Variants in CEP295 observed in about 807,000 individuals in gnomAD.
CEP295 encodes centrosomal protein of 295 kDa.
CEP295 carries 190 observed loss-of-function variants against 291.6 expected under a neutral mutation model. The ratio of observed to expected loss-of-function variants is 0.65; its 90% CI spans 0.58 to 0.73. CEP295 has a LOEUF of 0.73. CEP295 is among the 30% of genes least tolerant of loss of function. The pLI, the probability that CEP295 is intolerant of heterozygous loss-of-function variation, is 0.00. For synonymous variants in CEP295, 993 were observed against 1,038.8 expected, an observed-to-expected ratio of 0.96 and a Z score of 0.85; for missense variants, 2,863 against 2,949.4, an observed-to-expected ratio of 0.97 and a Z score of 0.68.
chr11:93,697,353 T>A lies in CEP295; in HGVS notation c.2441T>A (p.Met814Lys). The stretch of plus-strand genomic sequence containing the variant: ...AAAATTCAAGAACCCTTTTCAGCCA[T>A]GAGCAAAAGTACAGTTTCCACAAGC... ...SGKIQEPFSAMSKSTVSTSHS... is the reference protein window; with the variant it reads ...SGKIQEPFSAKSKSTVSTSHS... Residue 814 changes from methionine (M) to lysine (K), a missense_variant, in exon 15 of 30, where the codon ATG (methionine) becomes AAG (lysine). Coordinates refer to ENST00000325212, the MANE Select transcript of CEP295 (RefSeq NM_033395.2). 1 of 1,551,880 alleles carries A rather than the reference T, an allele frequency of 6.4e-7. No homozygotes were observed. The highest frequency in any genetic ancestry group is 8.7e-7 in the Non-Finnish European group (1 of 1,147,038).
intron 17 of CEP295, among the ~76,000 whole-genome samples, chr11:93,706,427 A>G (rs2135186245): frequency 6.6e-6 from 1 of 152,204 alleles, no homozygotes; most frequent in South Asian, 2.1e-4. Flanking sequence ...CTATACCACA[A>G]ATTAGTTGTG....
chr11:93,685,988 C>A (rs1194005967), intron 9 of CEP295, among the ~76,000 whole-genome samples: 1 of 150,506 alleles, frequency 6.6e-6, no homozygotes, highest in Non-Finnish European at 1.5e-5. Flanking sequence ...GGATTACAGG[C>A]ATGAGCCACC....
Position 93,699,589 on chromosome 11 carries a change from C to T in CEP295, c.4677C>T (p.Asp1559=). The change falls in exon 15 of 30, where the codon GAC becomes GAT. Residue 1559 remains aspartate (D), a synonymous_variant. Transcript: ENST00000325212. ...TTGTATCCCAGGTGCCTGTTGCTGACTCTGAAAGAACCCAGAAGTCTTTCC... is the reference window on the plus strand; with the variant it reads ...TTGTATCCCAGGTGCCTGTTGCTGATTCTGAAAGAACCCAGAAGTCTTTCC... The part of the protein sequence containing the change: ...SSFVSQVPVA[D]SERTQKSFPT... 6.4e-7 allele frequency: 1 copy of T among 1,551,914 alleles called. No homozygotes were observed. Among genetic ancestry groups the T allele is most frequent in the Non-Finnish European group, 8.7e-7 (1 of 1,147,090 alleles).
chr11:93,669,625 A>G lies in CEP295; in HGVS notation c.435-52A>G, dbSNP rs370850874. 2.3e-5 allele frequency: 27 copies of G among 1,169,670 alleles called. No homozygotes were observed. In the South Asian group the frequency reaches 3.4e-4, roughly 15 times the overall value. 72.5% of individuals were successfully genotyped at this position (1,169,670 alleles called of 1,614,324 possible). The stretch of plus-strand genomic sequence containing the variant: ...ACTTACATATTTTTAACCCTGTTGT[A>G]CTATAATATTATCACTGAGAGATTA... On this transcript the variant is annotated intron_variant, in intron 4 of 29. Coordinates refer to ENST00000325212, the MANE Select transcript of CEP295 (RefSeq NM_033395.2).
At chr11:93,705,935 G>C (rs1952484499) in intron 17 of CEP295, among the ~76,000 whole-genome samples, 1 of 152,162 alleles carries the variant, frequency 6.6e-6, no homozygotes, top group African/African-American at 2.4e-5. Context: ...CCTGGCTGTT[G>C]ATATTATTGA....
Position 93,698,118 on chromosome 11 carries a change from A to G in CEP295, c.3206A>G (p.Asp1069Gly), listed in dbSNP as rs759200565. The change falls in exon 15 of 30, where the codon GAT becomes GGT. Residue 1069 changes from aspartate (D) to glycine (G), a missense_variant. Physicochemically the swap from Asp to Gly is moderately conservative, Grantham distance 94. Transcript: ENST00000325212. ...LLQEQLTKQR[D>G]TLQARHEAQV... ...CAAGAACAGTTGACTAAACAGAGGG[A>G]TACTCTTCAGGCTAGGCATGAAGCT... 6.4e-7 allele frequency: 1 copy of G among 1,552,216 alleles called. No homozygotes were observed.
At chr11:93,708,908 AGCACCTTTTCATTT>A (rs1302257641) in intron 18 of CEP295, among the ~76,000 whole-genome samples, 1 of 152,108 alleles carries the variant, frequency 6.6e-6, no homozygotes, top group Non-Finnish European at 1.5e-5. Flanking sequence ...GTGTTGATTG[AGCACCTTTTCATTT>A]GCCTGTTTGC....
intron 18 of CEP295, 86 bp from the exon 19 acceptor site, chr11:93,721,226 A>G: frequency 1.4e-6 from 1 of 731,322 alleles, no homozygotes; most frequent in Non-Finnish European, 2.4e-6. Context: ...AAAGCAGGGA[A>G]TGGTGTCCTG....
chr11:93,724,216 T>TC (rs1565219567), intron 21 of CEP295, 38 bp from the exon 22 acceptor site: 2 of 1,515,564 alleles, frequency 1.3e-6, no homozygotes, highest in African/African-American at 2.8e-5. Context: ...ATGATTTTTT[T>TC]CCCTCAAAAA....
chr11:93,668,743 A>G, intron 3 of CEP295, 65 bp from the exon 4 acceptor site: 2 of 1,147,282 alleles, frequency 1.7e-6, no homozygotes, highest in Non-Finnish European at 2.5e-6. Context: ...CACTTCTGAT[A>G]TCATATGAGA....
In CEP295 at chr11:93,699,307, A is replaced by C. The variant is rs1251404516; in HGVS notation, c.4395A>C (p.Ala1465=). ...TTGCACTTGAAGAACACTTGCATGC[A>C]CAGACAGATTTCCTTCCTTCTATTG... ...NLIALEEHLH[A]QTDFLPSIEK... is the part of the protein sequence containing the mutation. The change falls in exon 15 of 30, where the codon GCA becomes GCC. Residue 1465 remains alanine (A), a synonymous_variant. Coordinates refer to ENST00000325212, the MANE Select transcript of CEP295 (RefSeq NM_033395.2). The C allele has an allele frequency of 6.4e-7, 1 of 1,551,932 alleles. No individual in the cohort carries two copies. The highest frequency in any genetic ancestry group is 8.7e-7 in the Non-Finnish European group (1 of 1,147,026).
intron 18 of CEP295, among the ~76,000 whole-genome samples, chr11:93,720,261 T>C (rs955533222): frequency 6.6e-6 from 1 of 151,570 alleles, no homozygotes; most frequent in African/African-American, 2.4e-5. Flanking sequence ...TCACCTGAGG[T>C]CACGAGTTCG....
rs1249599825 is a variant in CEP295 at position 93,697,181 on chromosome 11, G to T, written c.2269G>T (p.Ala757Ser). ...DARKISETFG[A>S]TTFQSLESQQ... Reference sequence around the variant, plus strand: ...TAGAAAAATATCTGAAACATTTGGGGCAACAACTTTTCAAAGTTTAGAATC... The same window carrying T: ...TAGAAAAATATCTGAAACATTTGGGTCAACAACTTTTCAAAGTTTAGAATC... The change falls in exon 15 of 30, where the codon GCA becomes TCA. Residue 757 changes from alanine (A) to serine (S), a missense_variant. By Grantham distance (99) the Ala-to-Ser change is moderately conservative (BLOSUM62 1). Coordinates refer to ENST00000325212, the MANE Select transcript of CEP295 (RefSeq NM_033395.2). The T allele has an allele frequency of 3.2e-6, 5 of 1,551,700 alleles. No homozygotes were observed. Among genetic ancestry groups the T allele is most frequent in the East Asian group, 4.9e-5 (2 of 40,930 alleles).
intron 6 of CEP295, 114 bp from the exon 7 acceptor site, chr11:93,679,298 C>A: frequency 2.3e-6 from 2 of 857,910 alleles, no homozygotes; most frequent in Non-Finnish European, 1.8e-6. Context: ...TAAAATATAA[C>A]TCTTCTTATA....
intron 7 of CEP295, 102 bp from the exon 8 acceptor site, chr11:93,683,457 G>A: frequency 1.3e-6 from 1 of 776,526 alleles, no homozygotes; most frequent in South Asian, 2.2e-5. Flanking sequence ...GGAGAGGAGA[G>A]AAGCTTAGAC....
intron 5 of CEP295, among the ~76,000 whole-genome samples, chr11:93,673,089 A>G (rs1337359959): frequency 6.6e-6 from 1 of 152,212 alleles, no homozygotes; most frequent in Non-Finnish European, 1.5e-5. Flanking sequence ...AGAGTGAAGC[A>G]TTCTAATGTG....
In CEP295 at chr11:93,723,162, T is replaced by C. The variant is rs1299119327; in HGVS notation, c.6069T>C (p.Ser2023=). The C allele has an allele frequency of 1.3e-6, 2 of 1,552,122 alleles. No individual in the cohort carries two copies. Among genetic ancestry groups the C allele is most frequent in the Non-Finnish European group, 1.7e-6 (2 of 1,147,074 alleles). ...AAGATATTTATCAGCGGCAGAACTC[T>C]TCAGACGTTCATAAATCTCTGTTGC... ...STQDIYQRQN[S]SDVHKSLLPA... is the part of the protein sequence containing the mutation. The change falls in exon 21 of 30, where the codon TCT becomes TCC. Residue 2023 remains serine (S), a synonymous_variant. Transcript: ENST00000325212.
At chr11:93,704,957 A>AT (rs749413583) in intron 17 of CEP295, among the ~76,000 whole-genome samples, 8 of 152,170 alleles carry the variant, frequency 5.3e-5, no homozygotes, top group Non-Finnish European at 1.2e-4. Context: ...AATTGTCATT[A>AT]TGGTGATACA....
chr11:93,668,567 G>C (rs1220879899), intron 3 of CEP295, among the ~76,000 whole-genome samples: 1 of 152,054 alleles, frequency 6.6e-6, no homozygotes, highest in Non-Finnish European at 1.5e-5. Flanking sequence ...TAAGTAGTTC[G>C]ATATCCTATT....
Sources: allele counts gnomAD v4.1 joint callset (sites outside exome capture counted in the v4.1 genomes callset), GRCh38; gene constraint gnomAD v4.1.1; transcripts MANE v1.5; gene names NCBI Gene and HGNC (gene_info 2026-07-23, HGNC 2026-07-21).